The following EEFSEC variants were observed in gnomAD, a reference collection of about 807,000 sequenced individuals.
EEFSEC encodes eukaryotic elongation factor, selenocysteine-tRNA specific.
EEFSEC carries 43 observed loss-of-function variants against 42.1 expected under a neutral mutation model. The ratio of observed to expected loss-of-function variants is 1.02; its 90% confidence interval spans 0.80 to 1.32. EEFSEC has a LOEUF of 1.32. EEFSEC is among the 40% of genes most tolerant of loss of function. The pLI is 0.00. For synonymous variants in EEFSEC, 354 were observed against 339.1 expected (o/e 1.04, Z -0.48); for missense variants, 745 against 803.6 (o/e 0.93, Z 0.88).
chr3:128,163,947 A>AAAAC (rs1553737105), intron 1 of EEFSEC, among the ~76,000 whole-genome samples: 2 of 112,946 alleles, frequency 1.8e-5, no homozygotes, highest in African/African-American at 5.7e-5. Context: ...TGAAAAAAAA[A>AAAAC]AAAAACAAAA....
At chr3:128,222,169 G>A (rs543006622) in intron 1 of EEFSEC, among the ~76,000 whole-genome samples, 1 of 151,980 alleles carries the variant, frequency 6.6e-6, no homozygotes, top group East Asian at 1.9e-4. Flanking sequence ...CAGTAGCTGG[G>A]ATTACAGGTG....
rs373767391 is a variant in EEFSEC at position 128,235,619 on chromosome 3, A to G, written c.317-11217A>G. On this transcript the variant is annotated intron_variant, in intron 1 of 6. Coordinates refer to ENST00000254730, the MANE Select transcript of EEFSEC (RefSeq NM_021937.5). ...CTAGAAGTGGCAATATACTGTGCAC[A>G]CAGTGAACACACCAGCTCCGCTAGA... Among the ~76,000 whole-genome samples the G allele has an allele frequency of 1.8e-3, 274 of 152,368 alleles. 1 individual carries two copies. In the Middle Eastern group the frequency reaches 0.051, roughly 28 times the overall value.
chr3:128,419,556 G>A, the EEFSEC span, among the ~76,000 whole-genome samples: 1 of 152,206 alleles, frequency 6.6e-6, no homozygotes, highest in Non-Finnish European at 1.5e-5. Flanking sequence ...TGCCAGCAAG[G>A]GGGGTTAGGA....
At chr3:128,238,738 C>T (rs1483110649) in intron 1 of EEFSEC, among the ~76,000 whole-genome samples, 1 of 152,232 alleles carries the variant, frequency 6.6e-6, no homozygotes, top group Non-Finnish European at 1.5e-5. Context: ...AATCTGCCCA[C>T]TTCAGCCTCC....
intron 4 of EEFSEC, among the ~76,000 whole-genome samples, chr3:128,279,005 C>T (rs887252748): frequency 1.3e-5 from 2 of 152,190 alleles, no homozygotes; most frequent in African/African-American, 2.4e-5. Flanking sequence ...GGCTAAAAGA[C>T]AGGAGGGGAG....
chr3:128,233,099 A>G (rs1302934911), intron 1 of EEFSEC, among the ~76,000 whole-genome samples: 2 of 152,166 alleles, frequency 1.3e-5, no homozygotes, highest in Non-Finnish European at 2.9e-5. Context: ...TGCATTTTCC[A>G]GTTTTCTTCC....
At chr3:128,372,681 A>G (rs1308486222) in intron 6 of EEFSEC, among the ~76,000 whole-genome samples, 1 of 152,158 alleles carries the variant, frequency 6.6e-6, no homozygotes, top group African/African-American at 2.4e-5. Context: ...AATCCACTAC[A>G]GTGTAGAAAT....
intron 1 of EEFSEC, among the ~76,000 whole-genome samples, chr3:128,160,076 C>T (rs932619477): frequency 3.3e-5 from 5 of 152,238 alleles, no homozygotes; most frequent in African/African-American, 1.2e-4. Context: ...AGCTCCTGGG[C>T]TAGCCAGTTT....
chr3:128,413,884 T>C, the EEFSEC span, among the ~76,000 whole-genome samples: 2 of 152,206 alleles, frequency 1.3e-5, no homozygotes, highest in South Asian at 4.1e-4. Flanking sequence ...GGAGACCCCG[T>C]TGGCAGGGCC....
intron 4 of EEFSEC, among the ~76,000 whole-genome samples, chr3:128,303,976 C>A (rs991071466): frequency 2.6e-5 from 4 of 152,012 alleles, no homozygotes; most frequent in African/African-American, 9.7e-5. Context: ...GAATTTAAGT[C>A]CATCTCTGAG....
intron 3 of EEFSEC, among the ~76,000 whole-genome samples, chr3:128,264,322 C>G (rs2066329180): frequency 6.6e-6 from 1 of 152,202 alleles, no homozygotes; most frequent in African/African-American, 2.4e-5. Flanking sequence ...CATGGAGGGC[C>G]TGGCAGGACA....
chr3:128,420,480 G>A, the EEFSEC span, among the ~76,000 whole-genome samples: 1 of 152,194 alleles, frequency 6.6e-6, no homozygotes, highest in African/African-American at 2.4e-5. Flanking sequence ...TCCTTGGCTG[G>A]CACAGAGGTG....
At chr3:128,285,688 T>C (rs4593050) in intron 4 of EEFSEC, among the ~76,000 whole-genome samples, 127,717 of 152,072 alleles carry the variant, frequency 0.84, 54,110 homozygotes, top group East Asian at 0.99. Context: ...ACAGCCATCA[T>C]GGACACCAAC....
chr3:128,312,435 G>A (rs1049270768), intron 4 of EEFSEC, among the ~76,000 whole-genome samples: 1 of 152,222 alleles, frequency 6.6e-6, no homozygotes, highest in African/African-American at 2.4e-5. Flanking sequence ...ATGGAGTAGC[G>A]GGATCCCACC....
chr3:128,231,002 C>A (rs1034690052), intron 1 of EEFSEC, among the ~76,000 whole-genome samples: 2 of 152,148 alleles, frequency 1.3e-5, no homozygotes, highest in African/African-American at 4.8e-5. Context: ...CAGGCAGAGC[C>A]AGCATTGGCT....
At chr3:128,367,393 G>C (rs996660112) in intron 6 of EEFSEC, among the ~76,000 whole-genome samples, 30 of 152,336 alleles carry the variant, frequency 2.0e-4, no homozygotes, top group African/African-American at 6.3e-4. Context: ...GCTTGGGAAG[G>C]CTTCCTTCGG....
At chr3:128,376,933 C>T (rs2067716579) in intron 6 of EEFSEC, among the ~76,000 whole-genome samples, 1 of 152,172 alleles carries the variant, frequency 6.6e-6, no homozygotes, top group African/African-American at 2.4e-5. Context: ...GGGAAGAAGG[C>T]CCCATGGCTT....
At chr3:128,245,605 A>C (rs2066118722) in intron 1 of EEFSEC, among the ~76,000 whole-genome samples, 1 of 152,198 alleles carries the variant, frequency 6.6e-6, no homozygotes. Context: ...GAGGAGTGTC[A>C]CAGGACAGGG....
chr3:128,295,385 G>A (rs956516735), intron 4 of EEFSEC, among the ~76,000 whole-genome samples: 3 of 144,116 alleles, frequency 2.1e-5, no homozygotes, highest in Admixed American at 7.1e-5. Context: ...AAATGCATCC[G>A]TATCTCATAA....
Sources: allele counts gnomAD v4.1 joint callset (sites outside exome capture counted in the v4.1 genomes callset), GRCh38; gene constraint gnomAD v4.1.1; transcripts MANE v1.5; gene names NCBI Gene and HGNC (gene_info 2026-07-23, HGNC 2026-07-21).